C16orf78: variants seen among roughly 807,000 people sequenced by gnomAD.
C16orf78 encodes chromosome 16 open reading frame 78.
A neutral mutation model predicts 27.3 loss-of-function variants in C16orf78; 19 were observed. That is an observed-to-expected ratio of 0.70 (90% CI 0.49 to 1.02). The LOEUF (loss-of-function observed/expected upper bound fraction) is 1.02. Ranked by LOEUF, C16orf78 falls within the 50% of genes least tolerant of loss-of-function variation. The probability of loss-of-function intolerance (pLI) is 0.00; values close to 1 mark genes in which losing one functional copy is unlikely to be tolerated. For missense variants in C16orf78, 339 were observed against 337.0 expected, an observed-to-expected ratio of 1.01 and a Z score of -0.05; for synonymous variants, 130 against 116.1, an observed-to-expected ratio of 1.12 and a Z score of -0.77.
intron 4 of C16orf78, among the ~76,000 whole-genome samples, chr16:49,397,162 A>G (rs1965485648): frequency 1.3e-5 from 2 of 152,140 alleles, no homozygotes; most frequent in African/African-American, 4.8e-5. Context: ...TGCTCTTCCC[A>G]AAGAGTCTCC....
At chr16:49,393,990 T>C (rs916850436) in intron 3 of C16orf78, among the ~76,000 whole-genome samples, 3 of 152,114 alleles carry the variant, frequency 2.0e-5, no homozygotes, top group Non-Finnish European at 2.9e-5. Context: ...GATTTTCTAT[T>C]ATACTATATA....
chr16:49,392,268 C>T (rs954030575), intron 3 of C16orf78, among the ~76,000 whole-genome samples: 1 of 152,180 alleles, frequency 6.6e-6, no homozygotes, highest in Non-Finnish European at 1.5e-5. Flanking sequence ...GACCCCAACT[C>T]ACATAAGTCA....
chr16:49,377,725 T>C lies in C16orf78; in HGVS notation c.151-6T>C. The stretch of plus-strand genomic sequence containing the variant: ...GCTGCAGGGCTCTCTTCCCTTGTCT[T>C]TTCAGAAGCAAAAGCCCAAAGTGGT... On this transcript the variant is annotated splice_polypyrimidine_tract_variant and splice_region_variant and intron_variant, in intron 1 of 4. Transcript: ENST00000299191. The C allele has an allele frequency of 6.2e-7, 1 of 1,602,500 alleles. No homozygotes were observed.
At chr16:49,375,727 C>G (rs1420385629) in intron 1 of C16orf78, among the ~76,000 whole-genome samples, 1 of 152,136 alleles carries the variant, frequency 6.6e-6, no homozygotes, top group African/African-American at 2.4e-5. Flanking sequence ...TTCCATCAGA[C>G]ACATCTGACA....
At chr16:49,378,353 G>T in intron 2 of C16orf78, 117 bp from the exon 3 acceptor site, 1 of 1,426,948 alleles carries the variant, frequency 7.0e-7, no homozygotes, top group Non-Finnish European at 9.3e-7. Context: ...CTCTCTCCTT[G>T]GTTGCCTTTG....
chr16:49,393,338 A>G (rs1441190301), intron 3 of C16orf78, among the ~76,000 whole-genome samples: 1 of 152,256 alleles, frequency 6.6e-6, no homozygotes, highest in Non-Finnish European at 1.5e-5. Context: ...ACATCTGAAT[A>G]GAGAACATGT....
intron 3 of C16orf78, among the ~76,000 whole-genome samples, chr16:49,395,562 T>C (rs571069806): frequency 6.6e-6 from 1 of 152,270 alleles, no homozygotes; most frequent in Non-Finnish European, 1.5e-5. Flanking sequence ...GCCAAAATAT[T>C]GGGCACCCCT....
chr16:49,378,715 C>A, intron 3 of C16orf78, 122 bp downstream of exon 3: 1 of 1,429,184 alleles, frequency 7.0e-7, no homozygotes, highest in Non-Finnish European at 9.4e-7. Context: ...AACCATTGTG[C>A]ACACAGGAGT....
chr16:49,382,140 C>G (rs936641663), intron 3 of C16orf78, among the ~76,000 whole-genome samples: 43 of 152,244 alleles, frequency 2.8e-4, no homozygotes, highest in African/African-American at 1.0e-3. Flanking sequence ...TGGAAATCAT[C>G]ATTCTCAGTA....
rs1275918461 is a variant in C16orf78, at chr16:49,377,876, C to A, written c.270+26C>A. Reference sequence around the variant, plus strand: ...GTAATGCAGCCCCTCTTCCCCCACTCACCCCCACTGGGTCTCCAAATGGAG... The same window carrying A: ...GTAATGCAGCCCCTCTTCCCCCACTAACCCCCACTGGGTCTCCAAATGGAG... On this transcript the variant is annotated intron_variant, in intron 2 of 4. Transcript: ENST00000299191. 8 of 1,554,714 alleles carry A rather than the reference C, an allele frequency of 5.1e-6. No homozygotes were observed. In the Admixed American group the frequency reaches 1.6e-4, roughly 30 times the overall value.
At chr16:49,398,285 G>A (rs1965498054) in intron 4 of C16orf78, among the ~76,000 whole-genome samples, 1 of 152,174 alleles carries the variant, frequency 6.6e-6, no homozygotes, top group Non-Finnish European at 1.5e-5. Context: ...CTGTGGCAAA[G>A]TAAGCAACCA....
Position 49,396,491 on chromosome 16 carries a change from AT to A in C16orf78, c.465del (p.Ile155MetfsTer3). On this transcript the variant is annotated frameshift_variant, in exon 4 of 5. Coordinates refer to ENST00000299191, the MANE Select transcript of C16orf78 (RefSeq NM_144602.4). LOFTEE classifies it high-confidence loss of function. ...QRPNPFRRQS[I>X]VLDPMLQEGT... ...GCCAAACCCATTCCGTCGACAAAGC[AT>A]TGTCTTAGATCCCATGTTACAGGAG... 1 of 1,614,196 alleles carries A rather than the reference AT, an allele frequency of 6.2e-7. No individual in the cohort carries two copies. Among genetic ancestry groups the A allele is most frequent in the Non-Finnish European group, 8.5e-7 (1 of 1,180,008 alleles).
At chr16:49,387,794 G>T (rs1035486015) in intron 3 of C16orf78, among the ~76,000 whole-genome samples, 5 of 152,144 alleles carry the variant, frequency 3.3e-5, no homozygotes, top group African/African-American at 1.2e-4. Flanking sequence ...TCTTGAGAGG[G>T]TGTATGTGTC....
At position 49,375,774 on chromosome 16, in the gene C16orf78, T is replaced by C. The variant is rs538125570; in HGVS notation, c.150+1685T>C. Among the ~76,000 whole-genome samples, 5 of 152,306 alleles carry C rather than the reference T, an allele frequency of 3.3e-5. No individual in the cohort carries two copies. In the South Asian group the frequency reaches 1.0e-3, roughly 32 times the overall value. ...CTCTAAGGTGCTAATGATTTACAGATAGCCTACCCACTGCCTTGATTTGGG... is the reference window on the plus strand; with the variant it reads ...CTCTAAGGTGCTAATGATTTACAGACAGCCTACCCACTGCCTTGATTTGGG... On this transcript the variant is annotated intron_variant, in intron 1 of 4. Transcript: ENST00000299191.
At position 49,383,869 on chromosome 16, in the gene C16orf78, A is replaced by G. The variant is rs137950978; in HGVS notation, c.394+5276A>G. Reference sequence around the variant, plus strand: ...TTGAGTTTCTTCATTACACCACTAAAATAAATTAATAAAGCTCCAATAACT... The same window carrying G: ...TTGAGTTTCTTCATTACACCACTAAGATAAATTAATAAAGCTCCAATAACT... On this transcript the variant is annotated intron_variant, in intron 3 of 4. Coordinates refer to ENST00000299191, the MANE Select transcript of C16orf78 (RefSeq NM_144602.4). Among the ~76,000 whole-genome samples, 591 of 152,300 alleles carry G rather than the reference A, an allele frequency of 3.9e-3. 6 individuals carry two copies. The highest frequency in any genetic ancestry group is 0.01 in the Middle Eastern group (3 of 294).
At chr16:49,394,385 G>A (rs117544001) in intron 3 of C16orf78, among the ~76,000 whole-genome samples, 1 of 152,092 alleles carries the variant, frequency 6.6e-6, no homozygotes, top group Non-Finnish European at 1.5e-5. Context: ...CTTTATTACA[G>A]CAGGTGAGAA....
At chr16:49,376,564 T>C (rs910715027) in intron 1 of C16orf78, among the ~76,000 whole-genome samples, 15 of 152,088 alleles carry the variant, frequency 9.9e-5, no homozygotes, top group Admixed American at 3.9e-4. Context: ...AACAAAACCC[T>C]AAAGCTAACC....
chr16:49,378,556 C>T lies in C16orf78; in HGVS notation c.357C>T (p.Val119=). The part of the protein sequence containing the change: ...VEQKGKHLSM[V]PGSYIKDGPK... The stretch of plus-strand genomic sequence containing the variant: ...AAAAGGGGAAACACCTCAGCATGGT[C>T]CCTGGCAGCTACATCAAGGATGGCC... The change falls in exon 3 of 5, where the codon GTC becomes GTT. Residue 119 remains valine (V), a synonymous_variant. Coordinates refer to ENST00000299191, the MANE Select transcript of C16orf78 (RefSeq NM_144602.4). 1.2e-6 allele frequency: 2 copies of T among 1,613,828 alleles called. No homozygotes were observed. Among genetic ancestry groups the T allele is most frequent in the East Asian group, 2.2e-5 (1 of 44,864 alleles).
chr16:49,386,365 G>A (rs1461903906), intron 3 of C16orf78, among the ~76,000 whole-genome samples: 1 of 152,202 alleles, frequency 6.6e-6, no homozygotes, highest in Non-Finnish European at 1.5e-5. Flanking sequence ...CCTAACATAT[G>A]TTTACACATT....
Sources: gnomAD v4.1 joint callset for allele counts (sites outside exome capture counted in the v4.1 genomes callset) on GRCh38, gnomAD v4.1.1 for gene constraint, MANE v1.5 for transcripts, NCBI Gene and HGNC (gene_info 2026-07-23, HGNC 2026-07-21) for gene names.